The following LSAMP variants were observed in gnomAD, a reference collection of about 807,000 sequenced individuals.
LSAMP encodes the protein limbic system associated membrane protein.
LSAMP carries 7 observed loss-of-function variants against 38.6 expected under a neutral mutation model. That is an observed-to-expected ratio of 0.18 (90% CI 0.10 to 0.34). The LOEUF (loss-of-function observed/expected upper bound fraction) is 0.34. LSAMP is among the 10% of genes least tolerant of loss of function. The probability of loss-of-function intolerance (pLI) is 1.00; values close to 1 mark genes in which losing one functional copy is unlikely to be tolerated. For missense variants in LSAMP, 313 were observed against 420.0 expected, an observed-to-expected ratio of 0.75 and a Z score of 2.23; for synonymous variants, 154 against 166.8, an observed-to-expected ratio of 0.92 and a Z score of 0.59.
At chr3:115,837,137 G>A (rs920500103) in intron 6 of LSAMP, among the ~76,000 whole-genome samples, 3 of 152,140 alleles carry the variant, frequency 2.0e-5, no homozygotes, top group African/African-American at 7.2e-5. Flanking sequence ...AAGAAAATGG[G>A]GAGGCCCTCA....
intron 1 of LSAMP, among the ~76,000 whole-genome samples, chr3:116,250,600 G>A (rs760186228): frequency 8.6e-5 from 13 of 151,780 alleles, no homozygotes; most frequent in Non-Finnish European, 1.3e-4. Flanking sequence ...GGTGGCTTAG[G>A]CCTGTAATCC....
At chr3:116,078,554 C>T (rs1707801716) in intron 2 of LSAMP, among the ~76,000 whole-genome samples, 2 of 152,236 alleles carry the variant, frequency 1.3e-5, no homozygotes, top group African/African-American at 4.8e-5. Flanking sequence ...TCTTGATCTC[C>T]TGACCTTGTG....
intron 6 of LSAMP, among the ~76,000 whole-genome samples, chr3:115,837,310 T>C (rs1463594834): frequency 1.4e-5 from 2 of 146,914 alleles, no homozygotes; most frequent in African/African-American, 5.0e-5. Flanking sequence ...TTTTTGTATT[T>C]TTATTCTTTT....
intron 1 of LSAMP, among the ~76,000 whole-genome samples, chr3:116,290,889 T>C (rs1009077691): frequency 6.6e-6 from 1 of 152,066 alleles, no homozygotes; most frequent in Non-Finnish European, 1.5e-5. Context: ...CAAGCCAATG[T>C]TCTCTTAAAA....
intron 1 of LSAMP, among the ~76,000 whole-genome samples, chr3:116,209,684 G>T (rs936026102): frequency 6.6e-6 from 1 of 152,048 alleles, no homozygotes; most frequent in Non-Finnish European, 1.5e-5. Flanking sequence ...GACTTGGCTG[G>T]TATTTCATCT....
intron 6 of LSAMP, among the ~76,000 whole-genome samples, chr3:115,830,013 A>G (rs1444049118): frequency 6.6e-6 from 1 of 152,180 alleles, no homozygotes; most frequent in Non-Finnish European, 1.5e-5. Context: ...TCTCTTTTGT[A>G]TATTATTTAA....
At chr3:115,860,140 A>G (rs1935632274) in intron 3 of LSAMP, among the ~76,000 whole-genome samples, 1 of 152,248 alleles carries the variant, frequency 6.6e-6, no homozygotes, top group South Asian at 2.1e-4. Flanking sequence ...TGAGTGTTGT[A>G]TGAGCTACCT....
chr3:116,384,075 A>T (rs974335345), intron 1 of LSAMP, among the ~76,000 whole-genome samples: 14 of 152,026 alleles, frequency 9.2e-5, no homozygotes, highest in African/African-American at 3.1e-4. Flanking sequence ...TAAGAAAAAA[A>T]CTCATTAATC....
chr3:116,071,314 A>T (rs1404640107), intron 2 of LSAMP, among the ~76,000 whole-genome samples: 2 of 150,482 alleles, frequency 1.3e-5, no homozygotes, highest in Non-Finnish European at 3.0e-5. Context: ...CTGAAAGGTT[A>T]TCCTCTTAAT....
At chr3:115,992,105 A>G (rs1939686595) in intron 3 of LSAMP, among the ~76,000 whole-genome samples, 1 of 152,096 alleles carries the variant, frequency 6.6e-6, no homozygotes, top group Non-Finnish European at 1.5e-5. Flanking sequence ...AATGTGCAGC[A>G]CATACATTTT....
chr3:115,943,313 T>G (rs954752295), intron 3 of LSAMP, among the ~76,000 whole-genome samples: 1 of 152,132 alleles, frequency 6.6e-6, no homozygotes, highest in Non-Finnish European at 1.5e-5. Flanking sequence ...CAGAATACTT[T>G]ATCCAGTTTG....
At chr3:116,057,589 G>A (rs1033463524) in intron 2 of LSAMP, among the ~76,000 whole-genome samples, 1 of 152,090 alleles carries the variant, frequency 6.6e-6, no homozygotes, top group African/African-American at 2.4e-5. Context: ...GAAGAGAGAA[G>A]GAAAGGGGGA....
At chr3:116,207,670 G>C (rs1202179465) in intron 1 of LSAMP, among the ~76,000 whole-genome samples, 1 of 151,498 alleles carries the variant, frequency 6.6e-6, no homozygotes, top group African/African-American at 2.4e-5. Context: ...ATGAAGCTTA[G>C]TTTGGCTGGA....
At chr3:116,358,859 G>A (rs1164261133) in intron 1 of LSAMP, among the ~76,000 whole-genome samples, 3 of 152,138 alleles carry the variant, frequency 2.0e-5, no homozygotes, top group South Asian at 2.1e-4. Context: ...GAACAAACAT[G>A]TATTTGGTAA....
intron 3 of LSAMP, among the ~76,000 whole-genome samples, chr3:115,868,903 A>C (rs1935937161): frequency 6.6e-6 from 1 of 152,122 alleles, no homozygotes; most frequent in Non-Finnish European, 1.5e-5. Context: ...AAAAAAACTA[A>C]GAATATTTTA....
chr3:115,813,553 CT>C (rs1933910393), intron 6 of LSAMP, among the ~76,000 whole-genome samples: 1 of 152,126 alleles, frequency 6.6e-6, no homozygotes, highest in South Asian at 2.1e-4. Flanking sequence ...ATCTTCATCT[CT>C]ATCAATTATT....
intron 1 of LSAMP, among the ~76,000 whole-genome samples, chr3:116,181,756 A>G (rs73858557): frequency 0.012 from 1,872 of 152,112 alleles, 42 homozygotes; most frequent in African/African-American, 0.043. Flanking sequence ...TCCCATCTTC[A>G]TTGCCACTGT....
At chr3:116,279,765 G>A (rs1390949530) in intron 1 of LSAMP, among the ~76,000 whole-genome samples, 1 of 152,040 alleles carries the variant, frequency 6.6e-6, no homozygotes, top group Non-Finnish European at 1.5e-5. Context: ...ACATAAAAAT[G>A]TCATTGAAAA....
chr3:116,108,121 C>A (rs1013898314), intron 1 of LSAMP, among the ~76,000 whole-genome samples: 1 of 151,890 alleles, frequency 6.6e-6, no homozygotes, highest in Admixed American at 6.6e-5. Context: ...GGTGCATGAT[C>A]GGTCGCCAAG....
Sources: allele counts gnomAD v4.1 joint callset (sites outside exome capture counted in the v4.1 genomes callset), GRCh38; gene constraint gnomAD v4.1.1; transcripts MANE v1.5; gene names NCBI Gene and HGNC (gene_info 2026-07-23, HGNC 2026-07-21).